ST3GAL5: variants seen among roughly 807,000 people sequenced by gnomAD.
ST3GAL5 encodes lactosylceramide alpha-2,3-sialyltransferase.
Under a neutral mutation model 46.1 loss-of-function variants are expected in ST3GAL5, and 25 were observed. That is an observed-to-expected ratio of 0.54 (90% CI 0.40 to 0.76). ST3GAL5 has a LOEUF of 0.76. Ranked by LOEUF, ST3GAL5 falls within the 30% of genes least tolerant of loss-of-function variation. The pLI is 0.00. For synonymous variants in ST3GAL5, 182 were observed against 192.7 expected (o/e 0.94, Z 0.46); for missense variants, 431 against 521.2 (o/e 0.83, Z 1.69).
intron 1 of ST3GAL5, among the ~76,000 whole-genome samples, chr2:85,876,607 TG>T (rs1203932149): frequency 1.3e-5 from 2 of 151,784 alleles, no homozygotes. Flanking sequence ...GGATTATAGG[TG>T]CGTGCCACCG....
At chr2:85,865,018 C>A (rs538828961) in intron 1 of ST3GAL5, among the ~76,000 whole-genome samples, 1 of 152,300 alleles carries the variant, frequency 6.6e-6, no homozygotes, top group Non-Finnish European at 1.5e-5. Context: ...GGACATTACT[C>A]AAGGATGGTG....
At position 85,837,706 on chromosome 2, in the gene ST3GAL5, TATCA is replaced by T. The variant is rs1489913496; in HGVS notation, c.*2434_*2437del. 1 of 152,218 alleles carries T rather than the reference TATCA, an allele frequency of 6.6e-6. No individual in the cohort carries two copies. The highest frequency in any genetic ancestry group is 1.5e-5 in the Non-Finnish European group (1 of 68,030). The allele number at this position is 152,218 out of a possible 1,614,324, so 9.4% of individuals were successfully genotyped here. ...CCCTCAAAATATGCACATCACTATG[TATCA>T]ATCAAAAATTAAAATTAAAAAACCC... On this transcript the variant is annotated 3_prime_UTR_variant, in exon 7 of 7. Coordinates refer to ENST00000638572, the MANE Select transcript of ST3GAL5 (RefSeq NM_003896.4).
chr2:85,879,267 G>A (rs1686902814), intron 1 of ST3GAL5, among the ~76,000 whole-genome samples: 1 of 152,154 alleles, frequency 6.6e-6, no homozygotes, highest in African/African-American at 2.4e-5. Context: ...ACAGGACTTG[G>A]TGCCCAAGCC....
intron 1 of ST3GAL5, 98 bp from the exon 2 acceptor site, chr2:85,863,583 A>G: frequency 7.6e-7 from 1 of 1,316,780 alleles, no homozygotes; most frequent in South Asian, 1.2e-5. Context: ...TTGCATCCAT[A>G]CCATGGAATA....
At chr2:85,852,174 T>A (rs1376500536) in intron 3 of ST3GAL5, among the ~76,000 whole-genome samples, 6 of 152,224 alleles carry the variant, frequency 3.9e-5, no homozygotes, top group Non-Finnish European at 7.3e-5. Flanking sequence ...TATTATTTTT[T>A]AAAAATCCGG....
At chr2:85,877,181 A>G (rs1686674804) in intron 1 of ST3GAL5, among the ~76,000 whole-genome samples, 2 of 152,348 alleles carry the variant, frequency 1.3e-5, no homozygotes, top group South Asian at 4.1e-4. Flanking sequence ...CATAATCATA[A>G]TTAGGAAATT....
intron 3 of ST3GAL5, among the ~76,000 whole-genome samples, chr2:85,858,930 C>A (rs1047184984): frequency 1.3e-5 from 2 of 152,152 alleles, no homozygotes; most frequent in African/African-American, 4.8e-5. Context: ...ACTAGGATTC[C>A]TTAGGGGAGC....
At chr2:85,863,262 CCAA>C (rs2104077898) in intron 2 of ST3GAL5, 97 bp downstream of exon 2, 1 of 1,603,466 alleles carries the variant, frequency 6.2e-7, no homozygotes, top group East Asian at 2.2e-5. Context: ...GCATGCCTCT[CCAA>C]CATTAGCCAT....
In ST3GAL5 at chr2:85,837,513, A is replaced by G. The variant is rs371785326; in HGVS notation, c.*2631T>C. Reference sequence around the variant, plus strand: ...TAAAAGAAACAAGACCTAGTGTTTGATAGGTCAGTAGAATGCCTATAGTTT... The same window carrying G: ...TAAAAGAAACAAGACCTAGTGTTTGGTAGGTCAGTAGAATGCCTATAGTTT... On this transcript the variant is annotated 3_prime_UTR_variant, in exon 7 of 7. Coordinates refer to ENST00000638572, the MANE Select transcript of ST3GAL5 (RefSeq NM_003896.4). The G allele has an allele frequency of 9.1e-4, 139 of 152,352 alleles. 1 individual carries two copies. The highest frequency in any genetic ancestry group is 3.2e-3 in the African/African-American group (134 of 41,578). The allele number at this position is 152,352 out of a possible 1,614,324, so 9.4% of individuals were successfully genotyped here.
intron 1 of ST3GAL5, 116 bp from the exon 2 acceptor site, chr2:85,863,601 G>C (rs1240814140): frequency 8.6e-6 from 10 of 1,161,908 alleles, no homozygotes; most frequent in Non-Finnish European, 1.1e-5. Flanking sequence ...ATAGTAACTG[G>C]CAATAAAGAA....
intron 1 of ST3GAL5, chr2:85,870,229 C>A (rs1261915570): frequency 2.1e-6 from 1 of 471,000 alleles, no homozygotes; most frequent in South Asian, 1.5e-5. Flanking sequence ...GCAGGGGTCT[C>A]TGCTTTGCAC....
chr2:85,886,241 G>A (rs1182939262), intron 1 of ST3GAL5, among the ~76,000 whole-genome samples: 1 of 152,202 alleles, frequency 6.6e-6, no homozygotes, highest in Non-Finnish European at 1.5e-5. Context: ...AGACCAGCCT[G>A]GACAACACAG....
chr2:85,848,724 C>A, intron 3 of ST3GAL5: 1 of 183,770 alleles, frequency 5.4e-6, no homozygotes. Context: ...TTAATAGGTA[C>A]AGCGTTTCGG....
chr2:85,881,307 G>T (rs1323476326), intron 1 of ST3GAL5, among the ~76,000 whole-genome samples: 3 of 152,144 alleles, frequency 2.0e-5, no homozygotes, highest in African/African-American at 7.2e-5. Context: ...GACTAATACA[G>T]TAAATTGGTA....
intron 1 of ST3GAL5, among the ~76,000 whole-genome samples, chr2:85,881,427 A>G (rs942363214): frequency 2.6e-5 from 4 of 152,206 alleles, no homozygotes; most frequent in Non-Finnish European, 5.9e-5. Flanking sequence ...AAAGAAAGGA[A>G]AATGTGGGAA....
chr2:85,858,280 C>T (rs1684368302), intron 3 of ST3GAL5: 1 of 152,242 alleles, frequency 6.6e-6, no homozygotes, highest in Admixed American at 6.5e-5. Flanking sequence ...CTGAGCCCCT[C>T]CCTGTCTAAT....
At chr2:85,867,555 G>A (rs1455238819) in intron 1 of ST3GAL5, 1 of 780,460 alleles carries the variant, frequency 1.3e-6, no homozygotes, top group Admixed American at 1.7e-5. Flanking sequence ...GGCCAAGGAA[G>A]AGGCTGACGA....
chr2:85,882,318 G>A (rs1413849612), intron 1 of ST3GAL5, among the ~76,000 whole-genome samples: 2 of 152,182 alleles, frequency 1.3e-5, no homozygotes, highest in African/African-American at 4.8e-5. Context: ...TGAGAAGAGG[G>A]CCACCGTCCT....
intron 1 of ST3GAL5, chr2:85,887,310 A>G (rs1262450305): frequency 2.0e-5 from 3 of 152,242 alleles, no homozygotes. Context: ...TGCCAAAATT[A>G]TAAGAACTGT....
Sources: gnomAD v4.1 joint callset for allele counts (sites outside exome capture counted in the v4.1 genomes callset) on GRCh38, gnomAD v4.1.1 for gene constraint, MANE v1.5 for transcripts, NCBI Gene and HGNC (gene_info 2026-07-23, HGNC 2026-07-21) for gene names.